Variants in EFCAB8 observed in about 807,000 individuals in gnomAD.
EFCAB8 encodes EF-hand calcium-binding domain-containing protein 8.
A neutral mutation model predicts 116.3 loss-of-function variants in EFCAB8; 100 were observed. That is an observed-to-expected ratio of 0.86 (90% CI 0.73 to 1.02). The LOEUF (loss-of-function observed/expected upper bound fraction) is 1.02. Among genes scored for constraint, EFCAB8 ranks in the 50% least tolerant of loss-of-function variants. The pLI is 0.00. For missense variants in EFCAB8, 1,320 were observed against 1,416.9 expected (o/e 0.93, Z 1.10); for synonymous variants, 558 against 567.9 (o/e 0.98, Z 0.25).
At chr20:32,886,191 G>A (rs1160938991) in intron 6 of EFCAB8, among the ~76,000 whole-genome samples, 1 of 152,218 alleles carries the variant, frequency 6.6e-6, no homozygotes, top group Non-Finnish European at 1.5e-5. Context: ...TCTGTCAAAT[G>A]GGGCTAGTTA....
At chr20:32,914,637 G>GGA (rs1179011053) in intron 17 of EFCAB8, among the ~76,000 whole-genome samples, 1 of 152,160 alleles carries the variant, frequency 6.6e-6, no homozygotes, top group African/African-American at 2.4e-5. Context: ...CATGGTGGCA[G>GGA]GAGAGAGAGT....
chr20:32,947,606 G>C (rs938582161), intron 23 of EFCAB8, among the ~76,000 whole-genome samples: 4 of 151,702 alleles, frequency 2.6e-5, no homozygotes, highest in Non-Finnish European at 5.9e-5. Context: ...TAACCCATGG[G>C]CCAAAAAAAG....
intron 11 of EFCAB8, among the ~76,000 whole-genome samples, chr20:32,903,089 C>T (rs1480810776): frequency 6.6e-6 from 1 of 152,228 alleles, no homozygotes; most frequent in Non-Finnish European, 1.5e-5. Flanking sequence ...CTGATCCAGC[C>T]AGGGCCCTGT....
At chr20:32,865,497 A>G (rs934417351) in intron 2 of EFCAB8, among the ~76,000 whole-genome samples, 6 of 151,988 alleles carry the variant, frequency 3.9e-5, no homozygotes, top group African/African-American at 1.5e-4. Flanking sequence ...AAAGTCATTG[A>G]TCAGATTTGC....
intron 20 of EFCAB8, among the ~76,000 whole-genome samples, chr20:32,922,590 C>T (rs906030047): frequency 3.9e-5 from 6 of 152,076 alleles, no homozygotes; most frequent in Non-Finnish European, 8.8e-5. Flanking sequence ...ACAAGAAAGC[C>T]GGGAAGATGG....
chr20:32,934,013 CTTT>C (rs112853872), intron 22 of EFCAB8, among the ~76,000 whole-genome samples: 2 of 140,558 alleles, frequency 1.4e-5, no homozygotes, highest in Admixed American at 1.4e-4. Flanking sequence ...AAATCAAAAA[CTTT>C]TTTTTTTTTT....
intron 15 of EFCAB8, 57 bp from the exon 16 acceptor site, chr20:32,911,423 C>A: frequency 7.1e-7 from 1 of 1,412,134 alleles, no homozygotes; most frequent in Non-Finnish European, 9.3e-7. Flanking sequence ...TGGAGACCAC[C>A]CTTGGGAGTG....
At chr20:32,888,488 C>T (rs942694378) in intron 6 of EFCAB8, among the ~76,000 whole-genome samples, 3 of 152,118 alleles carry the variant, frequency 2.0e-5, no homozygotes, top group Non-Finnish European at 4.4e-5. Flanking sequence ...TCCCAAAGTG[C>T]TGGGATTACA....
chr20:32,863,231 G>T (rs538194993), intron 1 of EFCAB8, among the ~76,000 whole-genome samples: 23 of 152,060 alleles, frequency 1.5e-4, no homozygotes, highest in Admixed American at 3.9e-4. Flanking sequence ...CTAACAAAAC[G>T]CTGTCATCCA....
intron 1 of EFCAB8, among the ~76,000 whole-genome samples, chr20:32,861,552 G>C (rs1013288321): frequency 6.6e-6 from 1 of 152,150 alleles, no homozygotes; most frequent in Non-Finnish European, 1.5e-5. Context: ...GCCTCCCAAA[G>C]TGCTAGAAGT....
chr20:32,948,524 AAAAGAAAGAAAGAAAGAAAGAAAGAAAG>A (rs201493711), intron 23 of EFCAB8, among the ~76,000 whole-genome samples: 25 of 117,576 alleles, frequency 2.1e-4, no homozygotes, highest in Middle Eastern at 4.4e-3. Flanking sequence ...AAGAAAGTGA[AAAAGAAAGAAAGAAAGAAAGAAAGAAAG>A]AAAGAAAGAA....
In EFCAB8 at chr20:32,909,946, G is replaced by A. The variant is rs1986841902; in HGVS notation, c.1557+15G>A. ...TCTTTAAGCAGGTGAGTGGCCCAGG[G>A]CTCGCCTCTGAGGCTGGCGGGAACA... On this transcript the variant is annotated intron_variant, in intron 15 of 26. Transcript: ENST00000400522. The A allele has an allele frequency of 8.1e-7, 1 of 1,232,928 alleles. No homozygotes were observed. The highest frequency in any genetic ancestry group is 1.0e-6 in the Non-Finnish European group (1 of 973,666). The allele number at this position is 1,232,928 out of a possible 1,614,324, so 76.4% of individuals were successfully genotyped here. A position where few individuals can be genotyped will look rare whatever the true frequency, so the allele number is the denominator to read the frequency against.
At chr20:32,892,711 G>A (rs910742329) in intron 8 of EFCAB8, among the ~76,000 whole-genome samples, 33 of 152,168 alleles carry the variant, frequency 2.2e-4, no homozygotes, top group African/African-American at 6.8e-4. Flanking sequence ...TCCTGGGCCC[G>A]TGTTTGTTGG....
chr20:32,872,401 T>C (rs992234992), intron 3 of EFCAB8, among the ~76,000 whole-genome samples: 1 of 152,136 alleles, frequency 6.6e-6, no homozygotes, highest in African/African-American at 2.4e-5. Flanking sequence ...GACCAATGTT[T>C]GTTGAAGCCA....
chr20:32,918,098 T>G (rs1987272398), intron 18 of EFCAB8, among the ~76,000 whole-genome samples: 1 of 152,212 alleles, frequency 6.6e-6, no homozygotes, highest in Non-Finnish European at 1.5e-5. Flanking sequence ...CTCAAAAATA[T>G]TTGGAAACCA....
intron 18 of EFCAB8, among the ~76,000 whole-genome samples, chr20:32,918,088 C>T (rs947219379): frequency 9.2e-5 from 14 of 152,204 alleles, no homozygotes; most frequent in African/African-American, 3.4e-4. Flanking sequence ...TAAAGGTAGC[C>T]TCAAAAATAT....
At chr20:32,934,541 T>C (rs1988029091) in intron 22 of EFCAB8, among the ~76,000 whole-genome samples, 1 of 152,198 alleles carries the variant, frequency 6.6e-6, no homozygotes, top group African/African-American at 2.4e-5. Flanking sequence ...CCCCATACTA[T>C]TTCTCGTAGT....
chr20:32,920,699 G>A (rs967490359), intron 20 of EFCAB8, among the ~76,000 whole-genome samples: 17 of 152,098 alleles, frequency 1.1e-4, no homozygotes, highest in African/African-American at 3.9e-4. Context: ...CCCACAACAC[G>A]GGGGAATTCT....
chr20:32,947,383 A>G (rs908538378), intron 23 of EFCAB8, among the ~76,000 whole-genome samples: 15 of 152,228 alleles, frequency 9.9e-5, no homozygotes, highest in African/African-American at 3.6e-4. Flanking sequence ...ACATTTATAG[A>G]TCATTCATAA....
Sources: gnomAD v4.1 joint callset for allele counts (sites outside exome capture counted in the v4.1 genomes callset) on GRCh38, gnomAD v4.1.1 for gene constraint, MANE v1.5 for transcripts, NCBI Gene and HGNC (gene_info 2026-07-23, HGNC 2026-07-21) for gene names.